PARP8: variants seen among roughly 807,000 people sequenced by gnomAD.
The protein encoded by PARP8 is poly(ADP-ribose) polymerase family member 8, also known as protein mono-ADP-ribosyltransferase PARP8.
Under a neutral mutation model 124.1 loss-of-function variants are expected in PARP8, and 51 were observed. The observed-to-expected ratio is 0.41, with a 90% confidence interval of 0.33 to 0.52. The LOEUF (loss-of-function observed/expected upper bound fraction) is 0.52, where lower values mean the gene tolerates loss of function less well. PARP8 is among the 20% of genes least tolerant of loss of function. The pLI is 0.21. For missense variants in PARP8, 860 were observed against 1,018.9 expected, an observed-to-expected ratio of 0.84 and a Z score of 2.12; for synonymous variants, 391 against 361.5, an observed-to-expected ratio of 1.08 and a Z score of -0.93.
chr5:50,755,676 T>C (rs909418771), intron 3 of PARP8, among the ~76,000 whole-genome samples: 2 of 152,178 alleles, frequency 1.3e-5, no homozygotes, highest in African/African-American at 2.4e-5. Context: ...TGTTTTTTGG[T>C]TCCATATGAA....
chr5:50,774,340 T>C (rs1281148949), intron 7 of PARP8, among the ~76,000 whole-genome samples: 7 of 152,218 alleles, frequency 4.6e-5, no homozygotes, highest in African/African-American at 9.6e-5. Flanking sequence ...CCGTTCTCGA[T>C]GGTCACTGTC....
chr5:50,794,245 G>A lies in PARP8; in HGVS notation c.776G>A (p.Ser259Asn), dbSNP rs748965309. The A allele has an allele frequency of 6.2e-7, 1 of 1,613,476 alleles. No individual in the cohort carries two copies. Among genetic ancestry groups the A allele is most frequent in the South Asian group, 1.1e-5 (1 of 91,040 alleles). ...QTFVTQQWKQSKEKSNCLHNK... is the reference protein window; with the variant it reads ...QTFVTQQWKQNKEKSNCLHNK... ...TTTGTTACACAGCAGTGGAAACAGA[G>A]CAAAGAAAAATCCAATTGCCTGCAC... is the stretch of plus-strand genomic sequence containing the variant. Residue 259 changes from serine (S) to asparagine (N), a missense_variant, in exon 11 of 26, where the codon AGC (serine) becomes AAC (asparagine). Ser to Asn is a conservative substitution (Grantham distance 46, BLOSUM62 1). This residue lies in a region of PARP8 where 517 missense variants were observed against 544.2 expected (regional missense o/e 0.95). Coordinates refer to ENST00000281631, the MANE Select transcript of PARP8 (RefSeq NM_024615.4).
chr5:50,815,216 C>A (rs985847151), intron 14 of PARP8, among the ~76,000 whole-genome samples: 16 of 151,892 alleles, frequency 1.1e-4, no homozygotes, highest in African/African-American at 1.5e-4. Flanking sequence ...TGAAAAGGAT[C>A]TTTTTTATAA....
intron 2 of PARP8, among the ~76,000 whole-genome samples, chr5:50,689,796 C>T (rs1752297963): frequency 6.6e-6 from 1 of 152,144 alleles, no homozygotes; most frequent in Non-Finnish European, 1.5e-5. Flanking sequence ...ATCCACAGAT[C>T]TAGGTAACTT....
chr5:50,675,382 G>C (rs926720492), intron 2 of PARP8, among the ~76,000 whole-genome samples: 1 of 152,170 alleles, frequency 6.6e-6, no homozygotes, highest in African/African-American at 2.4e-5. Context: ...TTGGCTCGCT[G>C]CAACCTCCGC....
At chr5:50,813,525 A>G (rs1259348003) in intron 14 of PARP8, among the ~76,000 whole-genome samples, 1 of 152,194 alleles carries the variant, frequency 6.6e-6, no homozygotes, top group African/African-American at 2.4e-5. Context: ...ATATACAACC[A>G]TGTCATCTGC....
At chr5:50,779,222 C>T (rs574481047) in intron 9 of PARP8, among the ~76,000 whole-genome samples, 3 of 151,944 alleles carry the variant, frequency 2.0e-5, no homozygotes, top group African/African-American at 4.8e-5. Context: ...TGCACACACA[C>T]GCATGCACAC....
intron 17 of PARP8, among the ~76,000 whole-genome samples, chr5:50,824,349 G>C (rs561223220): frequency 6.7e-4 from 102 of 152,306 alleles, no homozygotes; most frequent in African/African-American, 2.3e-3. Context: ...GTGGGGGAGA[G>C]AGACTGCAGC....
At chr5:50,793,847 A>AT (rs1742234360) in intron 10 of PARP8, among the ~76,000 whole-genome samples, 2 of 152,006 alleles carry the variant, frequency 1.3e-5, no homozygotes, top group Admixed American at 6.6e-5. Context: ...AAAAATTTAG[A>AT]TTTTTTTGCC....
intron 3 of PARP8, among the ~76,000 whole-genome samples, chr5:50,754,178 CACATAT>C (rs796941764): frequency 0.039 from 1,237 of 32,020 alleles, 67 homozygotes; most frequent in East Asian, 0.14. Context: ...CACACACACA[CACATAT>C]ATATATATTT....
At position 50,709,478 on chromosome 5, in the gene PARP8, AT is replaced by A. The variant is rs759613751; in HGVS notation, c.147-40664del. On this transcript the variant is annotated intron_variant, in intron 2 of 25. Coordinates refer to ENST00000281631, the MANE Select transcript of PARP8 (RefSeq NM_024615.4). Reference sequence around the variant, plus strand: ...ACTGCTTCTGTTTCCTCCAAGTGTCATTTTTTTTTATTTCTTCTTGTCTTTC... The same window carrying A: ...ACTGCTTCTGTTTCCTCCAAGTGTCATTTTTTTTATTTCTTCTTGTCTTTC... Among the ~76,000 whole-genome samples the A allele has an allele frequency of 1.2e-3, 183 of 150,358 alleles. 1 individual carries two copies. The highest frequency in any genetic ancestry group is 4.1e-3 in the African/African-American group (169 of 41,002).
chr5:50,713,229 T>A lies in PARP8; in HGVS notation c.147-36922T>A, dbSNP rs183519232. Among the ~76,000 whole-genome samples the A allele has an allele frequency of 7.5e-3, 1,136 of 151,840 alleles. 15 individuals are homozygous for A. Among genetic ancestry groups the A allele is most frequent in the African/African-American group, 0.026 (1,066 of 41,276 alleles). On this transcript the variant is annotated intron_variant, in intron 2 of 25. Coordinates refer to ENST00000281631, the MANE Select transcript of PARP8 (RefSeq NM_024615.4). ...TATTCATATTGAGTGCTCAATAAAC[T>A]TTAGATATTATTATTATTATTATTA... is the stretch of plus-strand genomic sequence containing the variant.
At chr5:50,757,717 TTATG>T (rs748606692) in intron 3 of PARP8, among the ~76,000 whole-genome samples, 2 of 152,206 alleles carry the variant, frequency 1.3e-5, no homozygotes, top group Non-Finnish European at 2.9e-5. Context: ...TGTTGACACT[TTATG>T]TAAGCCATTT....
chr5:50,798,157 G>GCAGAATAATATACATTTTATGC (rs1742767153), intron 14 of PARP8, among the ~76,000 whole-genome samples: 1 of 152,024 alleles, frequency 6.6e-6, no homozygotes, highest in South Asian at 2.1e-4. Context: ...TCTTTTTATG[G>GCAGAATAATATACATTTTATGC]CAGAATAATA....
intron 12 of PARP8, among the ~76,000 whole-genome samples, chr5:50,796,054 AC>A (rs1266086493): frequency 2.6e-5 from 4 of 152,250 alleles, no homozygotes; most frequent in African/African-American, 7.2e-5. Context: ...AGTAACTCTT[AC>A]ACAAAATTTA....
chr5:50,769,998 T>G (rs1761439718), intron 7 of PARP8, among the ~76,000 whole-genome samples: 1 of 152,100 alleles, frequency 6.6e-6, no homozygotes, highest in African/African-American at 2.4e-5. Context: ...AGTACTGTTT[T>G]TACTCTTGAT....
At chr5:50,730,363 A>G (rs1439957977) in intron 2 of PARP8, among the ~76,000 whole-genome samples, 1 of 152,200 alleles carries the variant, frequency 6.6e-6, no homozygotes, top group African/African-American at 2.4e-5. Flanking sequence ...GAAATTTACA[A>G]TTATGGCAGA....
chr5:50,773,232 A>G (rs1761806617), intron 7 of PARP8, among the ~76,000 whole-genome samples: 1 of 152,178 alleles, frequency 6.6e-6, no homozygotes, highest in Non-Finnish European at 1.5e-5. Flanking sequence ...TTGAATTCTT[A>G]TTCAAGAAAT....
intron 7 of PARP8, among the ~76,000 whole-genome samples, chr5:50,777,651 A>G (rs2149608711): frequency 6.6e-6 from 1 of 152,190 alleles, no homozygotes; most frequent in African/African-American, 2.4e-5. Context: ...AGAAGGAAAA[A>G]TTATGGGTGC....
Sources: gnomAD v4.1 joint callset for allele counts (sites outside exome capture counted in the v4.1 genomes callset) on GRCh38, gnomAD v4.1.1 for gene constraint, gnomAD v4.1.1 regional missense constraint, MANE v1.5 for transcripts, NCBI Gene and HGNC (gene_info 2026-07-23, HGNC 2026-07-21) for gene names.